The following GUCY1A2 variants were observed in gnomAD, a reference collection of about 807,000 sequenced individuals.
GUCY1A2 encodes guanylate cyclase soluble subunit alpha-2.
In GUCY1A2, 27 loss-of-function variants were observed where a neutral mutation model predicts 63.5. That is an observed-to-expected ratio of 0.43 (90% CI 0.31 to 0.59). GUCY1A2 has a LOEUF of 0.59. Among genes scored for constraint, GUCY1A2 ranks in the 20% least tolerant of loss-of-function variants. The pLI is 0.11. For missense variants in GUCY1A2, 768 were observed against 913.3 expected, an observed-to-expected ratio of 0.84 and a Z score of 2.05; for synonymous variants, 364 against 343.5, an observed-to-expected ratio of 1.06 and a Z score of -0.66.
intron 6 of GUCY1A2, among the ~76,000 whole-genome samples, chr11:106,711,500 G>C (rs1436028406): frequency 6.6e-6 from 1 of 152,054 alleles, no homozygotes; most frequent in Non-Finnish European, 1.5e-5. Context: ...AGATTGCCAG[G>C]CTGCTCTATT....
chr11:106,804,729 G>T (rs1858657061), intron 5 of GUCY1A2, among the ~76,000 whole-genome samples: 1 of 152,278 alleles, frequency 6.6e-6, no homozygotes, highest in South Asian at 2.1e-4. Flanking sequence ...GTTTGATGAG[G>T]TTGCCATATT....
At chr11:106,753,008 C>T (rs1276800470) in intron 6 of GUCY1A2, among the ~76,000 whole-genome samples, 1 of 152,172 alleles carries the variant, frequency 6.6e-6, no homozygotes, top group East Asian at 1.9e-4. Context: ...TCTCCAAATC[C>T]TCTCCAGCAT....
At chr11:106,997,648 A>G (rs17106305) in intron 1 of GUCY1A2, among the ~76,000 whole-genome samples, 37,732 of 134,804 alleles carry the variant, frequency 0.28, 5,094 homozygotes, top group African/African-American at 0.31. Context: ...AAGACTATAT[A>G]TTAAGGTTAG....
chr11:106,698,066 A>C (rs866784059), intron 7 of GUCY1A2, among the ~76,000 whole-genome samples: 5 of 149,570 alleles, frequency 3.3e-5, no homozygotes, highest in Middle Eastern at 7.0e-3. Context: ...AATATATAAG[A>C]TCCTCTGTTA....
intron 4 of GUCY1A2, among the ~76,000 whole-genome samples, chr11:106,841,196 A>G (rs1005130404): frequency 6.6e-6 from 1 of 151,688 alleles, no homozygotes; most frequent in Non-Finnish European, 1.5e-5. Context: ...AAACACCCTC[A>G]TCTCTACTGC....
intron 6 of GUCY1A2, among the ~76,000 whole-genome samples, chr11:106,752,262 C>T (rs1399505699): frequency 6.6e-6 from 1 of 152,112 alleles, no homozygotes; most frequent in Non-Finnish European, 1.5e-5. Flanking sequence ...AACAACATGG[C>T]TAAGGTAAAC....
At chr11:106,850,689 C>CT (rs747725854) in intron 4 of GUCY1A2, among the ~76,000 whole-genome samples, 3 of 151,714 alleles carry the variant, frequency 2.0e-5, no homozygotes, top group Non-Finnish European at 4.4e-5. Context: ...CGGATGCATT[C>CT]TTTTTTTATT....
chr11:106,993,730 G>T (rs572993871), intron 1 of GUCY1A2, among the ~76,000 whole-genome samples: 7 of 152,022 alleles, frequency 4.6e-5, no homozygotes, highest in Non-Finnish European at 1.0e-4. Flanking sequence ...TAGTTCTCAG[G>T]GTCATCTTCA....
chr11:106,915,911 G>A lies in GUCY1A2; in HGVS notation c.1206+23549C>T, dbSNP rs776058398. Among the ~76,000 whole-genome samples the A allele has an allele frequency of 3.5e-5, 5 of 143,554 alleles. 2 individuals are homozygous for A. Among genetic ancestry groups the A allele is most frequent in the Non-Finnish European group, 7.8e-5 (5 of 64,114 alleles). 94.2% of individuals were successfully genotyped at this position (143,554 alleles called of 152,430 possible). On this transcript the variant is annotated intron_variant, in intron 4 of 7. Transcript: ENST00000526355. ...TTCTGGGACCTAACCTGAAATAGAG[G>A]AGCTTCTATATACACAACATTTTTA... is the stretch of plus-strand genomic sequence containing the variant.
chr11:106,795,793 G>C lies in GUCY1A2; in HGVS notation c.1692+14200C>G, dbSNP rs560843695. On this transcript the variant is annotated intron_variant, in intron 5 of 7. Transcript: ENST00000526355. ...AAATCATTTAAAACTTATTAATAGGGAGGCAGCAGCATTGATTTGCAGTTT... is the reference window on the plus strand; with the variant it reads ...AAATCATTTAAAACTTATTAATAGGCAGGCAGCAGCATTGATTTGCAGTTT... Among the ~76,000 whole-genome samples, 3 of 152,056 alleles carry C rather than the reference G, an allele frequency of 2.0e-5. No homozygotes were observed. In the South Asian group the frequency reaches 6.2e-4, roughly 31 times the overall value.
chr11:106,686,488 T>G lies in GUCY1A2; in HGVS notation c.*1061A>C, dbSNP rs1862528123. 2 of 216,876 alleles carry G rather than the reference T, an allele frequency of 9.2e-6. No homozygotes were observed. Among genetic ancestry groups the G allele is most frequent in the Non-Finnish European group, 1.9e-5 (2 of 107,698 alleles). The allele number at this position is 216,876 out of a possible 1,614,324, so 13.4% of individuals were successfully genotyped here. On this transcript the variant is annotated 3_prime_UTR_variant, in exon 8 of 8. Coordinates refer to ENST00000526355, the MANE Select transcript of GUCY1A2 (RefSeq NM_000855.3). ...AACTGTCCTGACACTTCTTTGTCACTAATGCCAGTATCCAGGAATTTGTTC... is the reference window on the plus strand; with the variant it reads ...AACTGTCCTGACACTTCTTTGTCACGAATGCCAGTATCCAGGAATTTGTTC...
At position 106,675,492 on chromosome 11, in the gene GUCY1A2, G is replaced by C. The variant is rs571617893; in HGVS notation, c.*12057C>G. 6 of 201,288 alleles carry C rather than the reference G, an allele frequency of 3.0e-5. No individual in the cohort carries two copies. The highest frequency in any genetic ancestry group is 1.2e-4 in the Admixed American group (2 of 16,660). 12.5% of individuals were successfully genotyped at this position (201,288 alleles called of 1,614,324 possible). On this transcript the variant is annotated 3_prime_UTR_variant, in exon 8 of 8. Transcript: ENST00000526355. ...GAATTAGTAGCTTGTAAATTTTGCA[G>C]ATCTGGGCCTTCAATAACTTAGTAG...
intron 6 of GUCY1A2, among the ~76,000 whole-genome samples, chr11:106,727,586 C>A (rs1863428988): frequency 6.6e-6 from 1 of 152,088 alleles, no homozygotes; most frequent in Non-Finnish European, 1.5e-5. Context: ...TTTTCAAGGA[C>A]TCCTTTGCTC....
intron 4 of GUCY1A2, among the ~76,000 whole-genome samples, chr11:106,900,225 C>T (rs1051343818): frequency 2.6e-5 from 4 of 151,986 alleles, no homozygotes; most frequent in South Asian, 2.1e-4. Context: ...TCTCTATCAC[C>T]CAGGCTGGAG....
At chr11:106,781,992 G>C (rs1384900506) in intron 5 of GUCY1A2, among the ~76,000 whole-genome samples, 1 of 152,160 alleles carries the variant, frequency 6.6e-6, no homozygotes, top group African/African-American at 2.4e-5. Flanking sequence ...AGAAATATCT[G>C]GGAACTTCTT....
At chr11:106,951,384 C>A (rs1215369869) in intron 3 of GUCY1A2, among the ~76,000 whole-genome samples, 1 of 152,238 alleles carries the variant, frequency 6.6e-6, no homozygotes, top group Admixed American at 6.5e-5. Flanking sequence ...CCTACTTCTC[C>A]ACAGCCTCGC....
chr11:106,985,587 A>G (rs1200258062), intron 2 of GUCY1A2, among the ~76,000 whole-genome samples: 1 of 152,246 alleles, frequency 6.6e-6, no homozygotes, highest in Non-Finnish European at 1.5e-5. Context: ...ACTTTACACC[A>G]CATCACAACC....
At chr11:106,951,764 G>A (rs1045782366) in intron 3 of GUCY1A2, among the ~76,000 whole-genome samples, 35 of 152,248 alleles carry the variant, frequency 2.3e-4, no homozygotes, top group African/African-American at 8.2e-4. Flanking sequence ...GTCAATTTTG[G>A]ATTTTGTCGC....
chr11:106,985,021 A>G (rs978972495), intron 2 of GUCY1A2, among the ~76,000 whole-genome samples: 1 of 152,198 alleles, frequency 6.6e-6, no homozygotes, highest in African/African-American at 2.4e-5. Context: ...GCATTGTACT[A>G]GGTACCGAGA....
Sources: allele counts gnomAD v4.1 joint callset (sites outside exome capture counted in the v4.1 genomes callset), GRCh38; gene constraint gnomAD v4.1.1; transcripts MANE v1.5; gene names NCBI Gene and HGNC (gene_info 2026-07-23, HGNC 2026-07-21).